CLVS1: variants seen among roughly 807,000 people sequenced by gnomAD.
CLVS1 encodes the protein clavesin-1.
Under a neutral mutation model 33.1 loss-of-function variants are expected in CLVS1, and 10 were observed. The observed-to-expected ratio is 0.30, with a 90% CI of 0.19 to 0.51. The LOEUF is 0.51. Among genes scored for constraint, CLVS1 ranks in the 20% least tolerant of loss-of-function variants. The pLI is 0.97. For missense variants in CLVS1, 343 were observed against 433.4 expected, an observed-to-expected ratio of 0.79 and a Z score of 1.85; for synonymous variants, 163 against 166.1, an observed-to-expected ratio of 0.98 and a Z score of 0.14.
chr8:61,476,926 C>T (rs1005310571), intron 5 of CLVS1, among the ~76,000 whole-genome samples: 1 of 152,290 alleles, frequency 6.6e-6, no homozygotes, highest in Admixed American at 6.5e-5. Context: ...ATGATATTGG[C>T]TGTGGGTGTG....
In CLVS1 at chr8:61,458,457, T is replaced by A. The variant is rs1817243578; in HGVS notation, c.892T>A (p.Tyr298Asn). 6.2e-7 allele frequency: 1 copy of A among 1,614,046 alleles called. No individual in the cohort carries two copies. The highest frequency in any genetic ancestry group is 8.5e-7 in the Non-Finnish European group (1 of 1,179,980). ...LGPDYSDEND[Y>N]THTSYNAMHV... ...TCCCGACTACAGCGATGAAAATGAC[T>A]ATACTCACACATCCTATAATGCAAT... is the stretch of plus-strand genomic sequence containing the variant. Residue 298 changes from tyrosine (Y) to asparagine (N), a missense_variant, in exon 5 of 6, where the codon TAT becomes AAT. Physicochemically the swap from Tyr to Asn is moderately radical, Grantham distance 143. Around this residue, in one of 4 missense-constraint regions of CLVS1, gnomAD observed 86 missense variants for 95.0 expected, o/e 0.91. Coordinates refer to ENST00000325897, the MANE Select transcript of CLVS1 (RefSeq NM_173519.3).
At chr8:61,097,771 A>G (rs1805378918) in intron 1 of CLVS1, among the ~76,000 whole-genome samples, 1 of 152,182 alleles carries the variant, frequency 6.6e-6, no homozygotes, top group Admixed American at 6.5e-5. Context: ...GCTAACGACT[A>G]TGCTTTACCA....
intron 3 of CLVS1, among the ~76,000 whole-genome samples, chr8:61,389,383 CA>C (rs536801170): frequency 1.3e-5 from 2 of 151,594 alleles, no homozygotes; most frequent in African/African-American, 2.4e-5. Flanking sequence ...TCTAAAAATA[CA>C]AAAAAAATTA....
At chr8:61,172,198 G>T (rs1029131640) in intron 2 of CLVS1, among the ~76,000 whole-genome samples, 18 of 152,114 alleles carry the variant, frequency 1.2e-4, no homozygotes, top group Admixed American at 8.5e-4. Flanking sequence ...ATTCTTCCAG[G>T]TTACATAAAA....
rs549619914 is a variant in CLVS1, at chr8:61,473,059, T to G, written c.977+14517T>G. On this transcript the variant is annotated intron_variant, in intron 5 of 5. Transcript: ENST00000325897. ...TTAAAGTGTACCATGAGGATACAGG[T>G]GTGTAACGAGGAGGATCCTAACCTA... is the stretch of plus-strand genomic sequence containing the variant. Among the ~76,000 whole-genome samples the G allele has an allele frequency of 2.0e-5, 3 of 152,130 alleles. No homozygotes were observed. In the South Asian group the frequency reaches 6.2e-4, roughly 32 times the overall value.
intron 2 of CLVS1, among the ~76,000 whole-genome samples, chr8:61,335,643 A>G (rs546546375): frequency 1.5e-4 from 23 of 152,330 alleles, no homozygotes; most frequent in Non-Finnish European, 2.9e-4. Flanking sequence ...GTAAACATCT[A>G]GTAAAAATCT....
chr8:60,978,189 A>G, the CLVS1 span, among the ~76,000 whole-genome samples: 3 of 152,256 alleles, frequency 2.0e-5, no homozygotes, highest in Admixed American at 6.5e-5. Flanking sequence ...GTAGATATTA[A>G]TAGTAAATTG....
chr8:61,342,698 G>A (rs570985321), intron 2 of CLVS1, among the ~76,000 whole-genome samples: 3 of 152,176 alleles, frequency 2.0e-5, no homozygotes, highest in African/African-American at 4.8e-5. Flanking sequence ...GTGGTGCCTC[G>A]GAAAGGCTGC....
chr8:61,299,931 T>C lies in CLVS1; in HGVS notation c.104T>C (p.Ile35Thr), dbSNP rs370764198. Reference protein sequence around the residue: ...HLQAGLSPETIEKARLELNEN... With the variant: ...HLQAGLSPETTEKARLELNEN... ...CAGGCTGGACTCAGTCCAGAGACTA[T>C]AGAGAAAGCTCGCCTGGAACTGAAT... Residue 35 changes from isoleucine to threonine, a missense_variant, in exon 2 of 6, where the codon ATA becomes ACA. By Grantham distance (89) the Ile-to-Thr change is moderately conservative. This residue lies in a region of CLVS1 where 88 missense variants were observed against 77.3 expected (regional missense o/e 1.14). Transcript: ENST00000325897. 1.9e-6 allele frequency: 3 copies of C among 1,613,894 alleles called. No individual in the cohort carries two copies. The highest frequency in any genetic ancestry group is 1.3e-5 in the African/African-American group (1 of 74,896).
At chr8:61,357,006 G>A (rs1812739155) in intron 2 of CLVS1, among the ~76,000 whole-genome samples, 1 of 152,164 alleles carries the variant, frequency 6.6e-6, no homozygotes, top group Non-Finnish European at 1.5e-5. Context: ...ACCTTGGGCA[G>A]TATGGCCATT....
intron 2 of CLVS1, among the ~76,000 whole-genome samples, chr8:61,146,387 A>G (rs1379105053): frequency 1.3e-5 from 2 of 152,204 alleles, no homozygotes; most frequent in Non-Finnish European, 2.9e-5. Context: ...TCCAATTGAT[A>G]CTGGAAGGCA....
At chr8:61,458,264 T>G (rs1817238257) in intron 4 of CLVS1, 43 bp from the exon 5 acceptor site, 1 of 1,419,148 alleles carries the variant, frequency 7.0e-7, no homozygotes, top group African/African-American at 1.4e-5. Flanking sequence ...TGGTCGTATG[T>G]TTTGGATTTT....
intron 2 of CLVS1, among the ~76,000 whole-genome samples, chr8:61,305,638 A>T (rs1210878271): frequency 1.3e-5 from 2 of 151,762 alleles, no homozygotes; most frequent in African/African-American, 4.8e-5. Context: ...TTTTTTTTGT[A>T]CAGATTATTT....
At chr8:61,261,975 C>CGTGT (rs57278209) in intron 2 of CLVS1, among the ~76,000 whole-genome samples, 2,417 of 110,920 alleles carry the variant, frequency 0.022, 41 homozygotes, top group Middle Eastern at 0.041. Flanking sequence ...CTCATTGCTG[C>CGTGT]GTGTGTGTGT....
intron 5 of CLVS1, among the ~76,000 whole-genome samples, chr8:61,479,661 G>T (rs1818107578): frequency 6.6e-6 from 1 of 152,186 alleles, no homozygotes; most frequent in Admixed American, 6.5e-5. Flanking sequence ...GAGGTGCTGT[G>T]ATTTTTAGAG....
chr8:61,347,092 G>A (rs1285174688), intron 2 of CLVS1, among the ~76,000 whole-genome samples: 1 of 152,178 alleles, frequency 6.6e-6, no homozygotes, highest in Non-Finnish European at 1.5e-5. Flanking sequence ...AGAGGGCTTT[G>A]GCAGCACCAA....
chr8:61,282,745 C>A (rs1427777373), intron 2 of CLVS1, among the ~76,000 whole-genome samples: 1 of 152,086 alleles, frequency 6.6e-6, no homozygotes, highest in Non-Finnish European at 1.5e-5. Flanking sequence ...ATTGTGTATC[C>A]TTATAATAAG....
intron 5 of CLVS1, among the ~76,000 whole-genome samples, chr8:61,493,874 G>A (rs1351899365): frequency 6.6e-6 from 1 of 152,116 alleles, no homozygotes; most frequent in African/African-American, 2.4e-5. Context: ...AGGTTTGACT[G>A]AATCACTCCT....
the CLVS1 span, among the ~76,000 whole-genome samples, chr8:61,051,512 C>T: frequency 6.6e-6 from 1 of 152,214 alleles, no homozygotes; most frequent in Non-Finnish European, 1.5e-5. Context: ...GGGAGGATGC[C>T]CTCCTGGGCT....
Sources: allele counts gnomAD v4.1 joint callset (sites outside exome capture counted in the v4.1 genomes callset), GRCh38; gene constraint gnomAD v4.1.1; regional missense constraint gnomAD v4.1.1; transcripts MANE v1.5; gene names NCBI Gene and HGNC (gene_info 2026-07-23, HGNC 2026-07-21).